Variants in FCHSD1 observed in about 807,000 individuals in gnomAD.
FCHSD1 encodes F-BAR and double SH3 domains protein 1.
A neutral mutation model predicts 101.3 loss-of-function variants in FCHSD1; 109 were observed. The ratio of observed to expected loss-of-function variants is 1.08; its 90% CI spans 0.92 to 1.26. The LOEUF is 1.26. Ranked by LOEUF, FCHSD1 falls within the 50% of genes most tolerant of loss-of-function variation. The pLI is 0.00. For synonymous variants in FCHSD1, 291 were observed against 356.8 expected (o/e 0.82, Z 2.08); for missense variants, 820 against 895.8 (o/e 0.92, Z 1.08).
Position 141,639,334 on chromosome 5 carries a change from A to T in FCHSD1, c.*2164T>A, listed in dbSNP as rs2099906567. 18 of 708,964 alleles carry T rather than the reference A, an allele frequency of 2.5e-5. No homozygotes were observed. The highest frequency in any genetic ancestry group is 5.9e-5 in the Admixed American group (2 of 33,972). The allele number at this position is 708,964 out of a possible 1,614,324, so 43.9% of individuals were successfully genotyped here. On this transcript the variant is annotated 3_prime_UTR_variant, in exon 20 of 20. Transcript: ENST00000435817. This position sits in a 1 kb window ranked among gnomAD's most constrained non-coding sequence, Gnocchi z 4.4. ...TTAATATTGAGTTTATTAGATAAAG[A>T]CAAGAAAAAATGGGGCTTGGGGAAA...
At chr5:141,641,806 G>A in intron 18 of FCHSD1, 49 bp from the exon 19 acceptor site, 2 of 1,584,618 alleles carry the variant, frequency 1.3e-6, no homozygotes, top group Non-Finnish European at 8.7e-7. Flanking sequence ...TTTGTTCAAT[G>A]CTGTATCTCC....
Position 141,641,370 on chromosome 5 carries a change from T to G in FCHSD1, c.*128A>C. The G allele has an allele frequency of 1.2e-6, 1 of 820,960 alleles. No individual in the cohort carries two copies. The highest frequency in any genetic ancestry group is 1.8e-6 in the Non-Finnish European group (1 of 557,114). The allele number at this position is 820,960 out of a possible 1,614,324, so 50.9% of individuals were successfully genotyped here. A position where few individuals can be genotyped will look rare whatever the true frequency, so the allele number is the denominator to read the frequency against. On this transcript the variant is annotated 3_prime_UTR_variant, in exon 20 of 20. Transcript: ENST00000435817. ...ATGGGAAGGGGCAAGTTTCCACCCT[T>G]GGAGGTGAGGGTGGAAATAAGGGCG...
intron 11 of FCHSD1, 115 bp downstream of exon 11, chr5:141,646,488 C>T (rs2099907669): frequency 7.0e-7 from 1 of 1,436,694 alleles, no homozygotes; most frequent in Non-Finnish European, 9.3e-7. Context: ...CCTTAAAATA[C>T]CTTTCCCTCC....
In FCHSD1 at chr5:141,648,235, C is replaced by G; in HGVS notation, c.577-139G>C. On this transcript the variant is annotated intron_variant, in intron 7 of 19. Coordinates refer to ENST00000435817, the MANE Select transcript of FCHSD1 (RefSeq NM_033449.3). ...GCCTGGCACTACACTAAAAATGTTG[C>G]ATACACACAACTCCTGCTCAAAATC... The G allele has an allele frequency of 3.8e-6, 4 of 1,055,938 alleles. No homozygotes were observed. In the Admixed American group the frequency reaches 1.2e-4, roughly 32 times the overall value. The allele number at this position is 1,055,938 out of a possible 1,614,324, so 65.4% of individuals were successfully genotyped here.
rs201297893 is a variant in FCHSD1, at chr5:141,647,169, G to C, written c.890C>G (p.Pro297Arg). The C allele has an allele frequency of 4.3e-6, 7 of 1,609,688 alleles. No individual in the cohort carries two copies. Among genetic ancestry groups the C allele is most frequent in the Non-Finnish European group, 5.9e-6 (7 of 1,178,094 alleles). ...LQEPGVFSPT[P>R]PQQFQPAGTD... The stretch of plus-strand genomic sequence containing the variant: ...CCCTGCTGGCTGAAACTGCTGAGGT[G>C]GGGTGGGGGAAAATACACCAGGCTC... Residue 297 changes from proline to arginine, a missense_variant, in exon 10 of 20, where the codon CCA becomes CGA. Physicochemically the swap from Pro to Arg is moderately radical, Grantham distance 103 (BLOSUM62 -2). Transcript: ENST00000435817.
rs148738642 is a variant in FCHSD1 at position 141,646,166 on chromosome 5, C to T, written c.1070G>A (p.Arg357Gln). ...HRVLQRLEQR[R>Q]QQASEREAPS... ...AGCCTCCCGCTCTGAAGCCTGCTGCCGCCTCTGCTCCAGTCGTTGCAGTAC... is the reference window on the plus strand; with the variant it reads ...AGCCTCCCGCTCTGAAGCCTGCTGCTGCCTCTGCTCCAGTCGTTGCAGTAC... Residue 357 changes from arginine to glutamine, a missense_variant, in exon 12 of 20, where the codon CGG becomes CAG. Arg to Gln is a conservative substitution (Grantham distance 43). Coordinates refer to ENST00000435817, the MANE Select transcript of FCHSD1 (RefSeq NM_033449.3). 3.3e-4 allele frequency: 538 copies of T among 1,609,666 alleles called. 2 individuals carry two copies. In the East Asian group the frequency reaches 0.011, roughly 32 times the overall value.
chr5:141,640,751 A>C lies in FCHSD1; in HGVS notation c.*747T>G. On this transcript the variant is annotated 3_prime_UTR_variant, in exon 20 of 20. Transcript: ENST00000435817. Reference sequence around the variant, plus strand: ...GTGAAAGCCCTCCCCTCCACTGGACAGCACTGCCCCCCAGCTGAGGGACCA... The same window carrying C: ...GTGAAAGCCCTCCCCTCCACTGGACCGCACTGCCCCCCAGCTGAGGGACCA... 3 of 1,329,366 alleles carry C rather than the reference A, an allele frequency of 2.3e-6. No individual in the cohort carries two copies. Among genetic ancestry groups the C allele is most frequent in the Non-Finnish European group, 3.1e-6 (3 of 976,662 alleles). 82.3% of individuals were successfully genotyped at this position (1,329,366 alleles called of 1,614,324 possible). A position where few individuals can be genotyped will look rare whatever the true frequency, so the allele number is the denominator to read the frequency against.
chr5:141,647,032 G>A (rs2099907754), intron 10 of FCHSD1, 103 bp downstream of exon 10: 13 of 1,144,964 alleles, frequency 1.1e-5, no homozygotes, highest in Admixed American at 2.4e-5. Flanking sequence ...CCCTCTCCAC[G>A]GTGTACACTC....
At position 141,651,218 on chromosome 5, in the gene FCHSD1, T is replaced by G; in HGVS notation, c.22-101A>C. 4.0e-6 allele frequency: 6 copies of G among 1,509,366 alleles called. No homozygotes were observed. In the South Asian group the frequency reaches 7.2e-5, roughly 18 times the overall value. 93.5% of individuals were successfully genotyped at this position (1,509,366 alleles called of 1,614,324 possible). On this transcript the variant is annotated intron_variant, in intron 1 of 19. Transcript: ENST00000435817. ...GCGGGGCCGGGGGGGTGCTGAGCTC[T>G]TTCCTCTGTTACTTCTGGTTTGGGG...
chr5:141,640,356 G>A lies in FCHSD1; in HGVS notation c.*1142C>T, dbSNP rs1283381100. The A allele has an allele frequency of 4.3e-6, 7 of 1,613,968 alleles. No homozygotes were observed. The South Asian group carries it at 4.4e-5, about 10-fold the overall frequency. On this transcript the variant is annotated 3_prime_UTR_variant, in exon 20 of 20. Coordinates refer to ENST00000435817, the MANE Select transcript of FCHSD1 (RefSeq NM_033449.3). Reference sequence around the variant, plus strand: ...CTCTTATTGCTCTCTACTCTGGGGGGCACTGATAGGACCTACTCCTGGTCT... The same window carrying A: ...CTCTTATTGCTCTCTACTCTGGGGGACACTGATAGGACCTACTCCTGGTCT...
Position 141,645,100 on chromosome 5 carries a change from C to A in FCHSD1, c.1360G>T (p.Glu454Ter). 6.3e-7 allele frequency: 1 copy of A among 1,578,814 alleles called. No homozygotes were observed. The highest frequency in any genetic ancestry group is 8.6e-7 in the Non-Finnish European group (1 of 1,161,228). ...SDFEECEETG[E>*]LFEEPAPQAL... is the part of the protein sequence containing the mutation. ...TGGGGGGCAGGCTCCTCAAAGAGCTCTCCCGTCTCCTCACATTCCTCAAAG... is the reference window on the plus strand; with the variant it reads ...TGGGGGGCAGGCTCCTCAAAGAGCTATCCCGTCTCCTCACATTCCTCAAAG... Residue 454 changes from glutamate to a stop codon, truncating the protein, a stop_gained, in exon 14 of 20, where the codon GAG becomes TAG. Transcript: ENST00000435817. LOFTEE classifies it high-confidence loss of function.
chr5:141,640,853 C>T lies in FCHSD1; in HGVS notation c.*645G>A, dbSNP rs1013668289. 16 of 604,012 alleles carry T rather than the reference C, an allele frequency of 2.6e-5. No homozygotes were observed. The Middle Eastern group carries it at 1.8e-3, about 67-fold the overall frequency. The allele number at this position is 604,012 out of a possible 1,614,324, so 37.4% of individuals were successfully genotyped here. A position where few individuals can be genotyped will look rare whatever the true frequency, so the allele number is the denominator to read the frequency against. ...GGTCACAGCCCCTCAGTCTCTTCTCCTTCCCCTGCCTGCAACAGGCTGCCT... is the reference window on the plus strand; with the variant it reads ...GGTCACAGCCCCTCAGTCTCTTCTCTTTCCCCTGCCTGCAACAGGCTGCCT... On this transcript the variant is annotated 3_prime_UTR_variant, in exon 20 of 20. Transcript: ENST00000435817.
rs1383806618 is a variant in FCHSD1, at chr5:141,649,768, GC to G, written c.233+118del. ...CAGCTCCTCTGCTGCTGCTGTGTCAGCTCTACCTACAGCTCACGTGCCTTCC... is the reference window on the plus strand; with the variant it reads ...CAGCTCCTCTGCTGCTGCTGTGTCAGTCTACCTACAGCTCACGTGCCTTCC... On this transcript the variant is annotated intron_variant, in intron 4 of 19. Coordinates refer to ENST00000435817, the MANE Select transcript of FCHSD1 (RefSeq NM_033449.3). The surrounding 1 kb of genome is among the most constrained non-coding windows in gnomAD (Gnocchi z 4.1). 1 of 1,289,504 alleles carries G rather than the reference GC, an allele frequency of 7.8e-7. No homozygotes were observed. The highest frequency in any genetic ancestry group is 1.5e-5 in the African/African-American group (1 of 66,526). The allele number at this position is 1,289,504 out of a possible 1,614,324, so 79.9% of individuals were successfully genotyped here.
rs781472296 is a variant in FCHSD1, at chr5:141,646,730, G to T, written c.925-8C>A. ...CCACTCCAGGACACACACCTGAATG[G>T]GTCAGGGGGTGCTGTGAGGAGGACC... On this transcript the variant is annotated splice_region_variant and splice_polypyrimidine_tract_variant and intron_variant, in intron 10 of 19. Coordinates refer to ENST00000435817, the MANE Select transcript of FCHSD1 (RefSeq NM_033449.3). The T allele has an allele frequency of 6.2e-7, 1 of 1,611,288 alleles. No homozygotes were observed. The highest frequency in any genetic ancestry group is 8.5e-7 in the Non-Finnish European group (1 of 1,179,396).
Position 141,640,115 on chromosome 5 carries a change from C to T in FCHSD1, c.*1383G>A. On this transcript the variant is annotated 3_prime_UTR_variant, in exon 20 of 20. Coordinates refer to ENST00000435817, the MANE Select transcript of FCHSD1 (RefSeq NM_033449.3). ...AGAGGCCACAGCCCCAGGTCCTAGC[C>T]AGCCCCCCAGTACAGAATGGAGGAC... The T allele has an allele frequency of 6.2e-7, 1 of 1,613,946 alleles. No homozygotes were observed. The highest frequency in any genetic ancestry group is 8.5e-7 in the Non-Finnish European group (1 of 1,179,892).
Position 141,640,817 on chromosome 5 carries a change from G to C in FCHSD1, c.*681C>G. On this transcript the variant is annotated 3_prime_UTR_variant, in exon 20 of 20. Coordinates refer to ENST00000435817, the MANE Select transcript of FCHSD1 (RefSeq NM_033449.3). The stretch of plus-strand genomic sequence containing the variant: ...GGAGTTGCACAGTCTCAGGCTGGGG[G>C]CCTCAGGAGAGGTCACAGCCCCTCA... 1.3e-6 allele frequency: 1 copy of C among 762,258 alleles called. No individual in the cohort carries two copies. Among genetic ancestry groups the C allele is most frequent in the Non-Finnish European group, 2.1e-6 (1 of 484,474 alleles). The allele number at this position is 762,258 out of a possible 1,614,324, so 47.2% of individuals were successfully genotyped here. A position where few individuals can be genotyped will look rare whatever the true frequency, so the allele number is the denominator to read the frequency against.
rs2154598402 is a variant in FCHSD1, at chr5:141,645,770, C to T, written c.1311+1G>A. 1.2e-6 allele frequency: 2 copies of T among 1,610,574 alleles called. No homozygotes were observed. The highest frequency in any genetic ancestry group is 1.7e-6 in the Non-Finnish European group (2 of 1,178,234). On this transcript the variant is annotated splice_donor_variant, in intron 13 of 19. Transcript: ENST00000435817. LOFTEE classifies it high-confidence loss of function. ...TGGGTAGTGTTGGGGGAGGAGCTCA[C>T]GGTTGGAGAGAGGTCCCTCTGGGAC...
chr5:141,645,331 C>A (rs991938784), intron 13 of FCHSD1, among the ~76,000 whole-genome samples, 183 bp from the exon 14 acceptor site: 1 of 151,380 alleles, frequency 6.6e-6, no homozygotes, highest in South Asian at 2.1e-4. Flanking sequence ...AATAGAGTTA[C>A]AGTAATTGAG....
chr5:141,646,095 G>A lies in FCHSD1; in HGVS notation c.1141C>T (p.Arg381Trp), dbSNP rs774457692. 1.1e-5 allele frequency: 18 copies of A among 1,609,598 alleles called. No individual in the cohort carries two copies. Among genetic ancestry groups the A allele is most frequent in the Admixed American group, 1.7e-5 (1 of 59,620 alleles). ...TCAGGGGTGTGCCTCACCTGTGCCC[G>A]GCGGATGCTCTCTCGCACTTCCTGT... Reference protein sequence around the residue: ...RLQEVRESIRRAQVSQVKGAA... With the variant: ...RLQEVRESIRWAQVSQVKGAA... Residue 381 changes from arginine to tryptophan, a missense_variant, in exon 12 of 20, where the codon CGG becomes TGG. Transcript: ENST00000435817.
Sources: allele counts gnomAD v4.1 joint callset (sites outside exome capture counted in the v4.1 genomes callset), GRCh38; gene constraint gnomAD v4.1.1; non-coding constraint Gnocchi (gnomAD v3.1); transcripts MANE v1.5; gene names NCBI Gene and HGNC (gene_info 2026-07-23, HGNC 2026-07-21).